The following ZNF148 variants were observed in gnomAD, a reference collection of about 807,000 sequenced individuals.
ZNF148 encodes the protein zinc finger protein 148.
Under a neutral mutation model 67.7 loss-of-function variants are expected in ZNF148, and 7 were observed. That is an observed-to-expected ratio of 0.10 (90% CI 0.06 to 0.19). The LOEUF (loss-of-function observed/expected upper bound fraction) is 0.19. ZNF148 is among the 10% of genes least tolerant of loss of function. The probability of loss-of-function intolerance (pLI) is 1.00; values close to 1 mark genes in which losing one functional copy is unlikely to be tolerated. For synonymous variants in ZNF148, 333 were observed against 330.7 expected, an observed-to-expected ratio of 1.01 and a Z score of -0.08; for missense variants, 583 against 947.1, an observed-to-expected ratio of 0.62 and a Z score of 5.05.
intron 4 of ZNF148, among the ~76,000 whole-genome samples, chr3:125,300,028 G>C (rs1939503515): frequency 6.6e-6 from 1 of 152,226 alleles, no homozygotes; most frequent in African/African-American, 2.4e-5. Flanking sequence ...CTGGAGGGCA[G>C]TGGTGCCATC....
At chr3:125,259,342 T>C (rs1004343524) in intron 7 of ZNF148, among the ~76,000 whole-genome samples, 5 of 152,180 alleles carry the variant, frequency 3.3e-5, no homozygotes, top group Admixed American at 2.6e-4. Context: ...AAATGAAATA[T>C]AGCAGTGCCA....
chr3:125,341,316 T>TAAAAAAAAA (rs35673839), intron 1 of ZNF148, among the ~76,000 whole-genome samples: 1 of 134,710 alleles, frequency 7.4e-6, no homozygotes. Flanking sequence ...CAGAAAAATT[T>TAAAAAAAAA]AAAAAAAAAA....
chr3:125,365,679 G>A (rs535672750), intron 1 of ZNF148, among the ~76,000 whole-genome samples: 98 of 152,200 alleles, frequency 6.4e-4, no homozygotes, highest in African/African-American at 2.1e-3. Context: ...TTAGCCAGGC[G>A]TGGTGGTACA....
chr3:125,258,740 T>G (rs1237389971), intron 7 of ZNF148, among the ~76,000 whole-genome samples: 1 of 152,198 alleles, frequency 6.6e-6, no homozygotes, highest in Non-Finnish European at 1.5e-5. Flanking sequence ...AGTAACTTAT[T>G]TTACTTAAAA....
intron 4 of ZNF148, among the ~76,000 whole-genome samples, chr3:125,299,501 T>A (rs1043724467): frequency 3.3e-5 from 5 of 152,200 alleles, no homozygotes; most frequent in African/African-American, 4.8e-5. Context: ...TCCATCTCTG[T>A]AAAAAATTTA....
At chr3:125,267,683 A>G (rs1470626632) in intron 7 of ZNF148, among the ~76,000 whole-genome samples, 1 of 152,212 alleles carries the variant, frequency 6.6e-6, no homozygotes, top group Non-Finnish European at 1.5e-5. Context: ...AAGGACGCCT[A>G]TTCTCATCAC....
intron 7 of ZNF148, among the ~76,000 whole-genome samples, chr3:125,260,808 G>A (rs13077440): frequency 0.026 from 3,936 of 152,256 alleles, 107 homozygotes; most frequent in South Asian, 0.085. Context: ...CATGGAAAAC[G>A]AAGATTTAAA....
chr3:125,359,656 C>G (rs1942475109), intron 1 of ZNF148, among the ~76,000 whole-genome samples: 1 of 152,214 alleles, frequency 6.6e-6, no homozygotes, highest in South Asian at 2.1e-4. Context: ...ATGTGGTTCT[C>G]AAGCACACAA....
intron 1 of ZNF148, among the ~76,000 whole-genome samples, chr3:125,356,044 A>T (rs1158671067): frequency 3.3e-5 from 5 of 152,188 alleles, no homozygotes; most frequent in Non-Finnish European, 7.3e-5. Flanking sequence ...CATGAAAAAT[A>T]TATCTTCCCC....
intron 5 of ZNF148, among the ~76,000 whole-genome samples, chr3:125,284,196 G>A (rs1040984572): frequency 6.6e-6 from 1 of 152,054 alleles, no homozygotes; most frequent in Non-Finnish European, 1.5e-5. Flanking sequence ...TTTCATTAAT[G>A]TTAACCCAAC....
At chr3:125,344,527 C>A in intron 1 of ZNF148, 1 of 1,114,178 alleles carries the variant, frequency 9.0e-7, no homozygotes, top group Non-Finnish European at 1.4e-6. Flanking sequence ...AAATGTGAAG[C>A]CAAACTCAAA....
intron 1 of ZNF148, among the ~76,000 whole-genome samples, chr3:125,361,177 T>C (rs1942526920): frequency 6.6e-6 from 1 of 152,182 alleles, no homozygotes; most frequent in East Asian, 1.9e-4. Flanking sequence ...TGGCTTTTCC[T>C]GGACAATCTG....
intron 5 of ZNF148, among the ~76,000 whole-genome samples, chr3:125,281,273 G>C (rs975571614): frequency 2.0e-5 from 3 of 152,208 alleles, no homozygotes; most frequent in Admixed American, 6.5e-5. Context: ...CTCTGGGCCA[G>C]TCAGTTTTGA....
chr3:125,314,823 C>T (rs779015995), intron 3 of ZNF148: 1 of 152,124 alleles, frequency 6.6e-6, no homozygotes, highest in Non-Finnish European at 1.5e-5. Flanking sequence ...TCTAGGAGGC[C>T]GAGGCGGGCG....
At chr3:125,365,067 T>C (rs928515782) in intron 1 of ZNF148, among the ~76,000 whole-genome samples, 4 of 152,208 alleles carry the variant, frequency 2.6e-5, no homozygotes, top group African/African-American at 9.7e-5. Flanking sequence ...AAAGCCAACC[T>C]TGAACAAACC....
intron 1 of ZNF148, among the ~76,000 whole-genome samples, chr3:125,365,265 T>A (rs765785464): frequency 1.4e-4 from 21 of 152,100 alleles, no homozygotes; most frequent in Non-Finnish European, 2.8e-4. Context: ...ACAGTAAATA[T>A]AAAAATATAC....
intron 1 of ZNF148, among the ~76,000 whole-genome samples, chr3:125,355,186 C>T (rs1181333325): frequency 6.6e-6 from 1 of 152,112 alleles, no homozygotes; most frequent in African/African-American, 2.4e-5. Flanking sequence ...ATTCTAATGA[C>T]AACATTGGAA....
At chr3:125,334,455 T>C (rs1466671236) in intron 1 of ZNF148, among the ~76,000 whole-genome samples, 1 of 152,136 alleles carries the variant, frequency 6.6e-6, no homozygotes, top group Non-Finnish European at 1.5e-5. Flanking sequence ...CAGGGAGCAA[T>C]TAACTCTCCC....
intron 1 of ZNF148, among the ~76,000 whole-genome samples, chr3:125,359,943 G>C (rs901703868): frequency 1.2e-4 from 18 of 152,196 alleles, no homozygotes; most frequent in Non-Finnish European, 2.1e-4. Context: ...GCCAGCACAG[G>C]CCCGCCCATG....
Sources: gnomAD v4.1 joint callset for allele counts (sites outside exome capture counted in the v4.1 genomes callset) on GRCh38, gnomAD v4.1.1 for gene constraint, MANE v1.5 for transcripts, NCBI Gene and HGNC (gene_info 2026-07-23, HGNC 2026-07-21) for gene names.